The following ATP6V0A1 variants were observed in gnomAD, a reference collection of about 807,000 sequenced individuals.
ATP6V0A1 encodes V-type proton ATPase 116 kDa subunit a 1.
ATP6V0A1 carries 43 observed loss-of-function variants against 105.4 expected under a neutral mutation model. The observed-to-expected ratio is 0.41, with a 90% CI of 0.32 to 0.53. The LOEUF is 0.53. Ranked by LOEUF, ATP6V0A1 falls within the 20% of genes least tolerant of loss-of-function variation. ATP6V0A1 has a pLI of 0.30. For synonymous variants in ATP6V0A1, 362 were observed against 372.8 expected (o/e 0.97, Z 0.33); for missense variants, 676 against 1,051.1 (o/e 0.64, Z 4.93).
chr17:42,521,150 A>T lies in ATP6V0A1; in HGVS notation c.*30A>T. On this transcript the variant is annotated 3_prime_UTR_variant, in exon 22 of 22. Coordinates refer to ENST00000343619, the MANE Select transcript of ATP6V0A1 (RefSeq NM_001130021.3). The surrounding 1 kb of genome is among the most constrained non-coding windows in gnomAD (Gnocchi z 4.8). ...CTGTGAGGGCCGTGTGCCCCATGCT[A>T]CCCTCCCCGCCTCCCTCCACAGTGA... The T allele has an allele frequency of 6.5e-7, 1 of 1,546,606 alleles. No individual in the cohort carries two copies. Among genetic ancestry groups the T allele is most frequent in the African/African-American group, 1.4e-5 (1 of 72,678 alleles).
intron 10 of ATP6V0A1, among the ~76,000 whole-genome samples, chr17:42,487,948 C>G (rs976129395): frequency 6.6e-6 from 1 of 152,154 alleles, no homozygotes; most frequent in African/African-American, 2.4e-5. Context: ...ATAATTTGGT[C>G]ATATGCCCAT....
At chr17:42,496,502 G>A (rs904710918) in intron 14 of ATP6V0A1, 2 of 151,832 alleles carry the variant, frequency 1.3e-5, no homozygotes, top group African/African-American at 4.8e-5. Context: ...AAAATGGAGT[G>A]GCGGCAAGAA....
At chr17:42,484,045 TG>T (rs1017474936) in intron 9 of ATP6V0A1, among the ~76,000 whole-genome samples, 5 of 151,602 alleles carry the variant, frequency 3.3e-5, no homozygotes, top group African/African-American at 1.2e-4. Context: ...TTTTGTTTTT[TG>T]TTTTTTGTTT....
At chr17:42,501,366 TC>T in intron 17 of ATP6V0A1, 62 bp downstream of exon 17, 2 of 1,170,790 alleles carry the variant, frequency 1.7e-6, no homozygotes, top group South Asian at 1.3e-5. Context: ...TCAAGGCAAT[TC>T]CCCAGTGGAT....
At chr17:42,492,933 G>C (rs904294835) in intron 11 of ATP6V0A1, among the ~76,000 whole-genome samples, 2 of 151,860 alleles carry the variant, frequency 1.3e-5, no homozygotes, top group Non-Finnish European at 2.9e-5. Context: ...CAGGAGAATT[G>C]CTTGAACCCA....
chr17:42,467,616 A>G (rs939919393), intron 3 of ATP6V0A1, among the ~76,000 whole-genome samples: 1 of 152,204 alleles, frequency 6.6e-6, no homozygotes, highest in African/African-American at 2.4e-5. Context: ...TTAAGTGTCA[A>G]ATATTCTATT....
chr17:42,487,459 G>C, intron 10 of ATP6V0A1, 92 bp downstream of exon 10: 1 of 1,305,094 alleles, frequency 7.7e-7, no homozygotes, highest in Non-Finnish European at 1.1e-6. Flanking sequence ...CGGGCGCGGT[G>C]GCTCATGCCT....
intron 5 of ATP6V0A1, among the ~76,000 whole-genome samples, chr17:42,473,367 A>G (rs1000208531): frequency 1.3e-5 from 2 of 152,242 alleles, no homozygotes; most frequent in Admixed American, 1.3e-4. Context: ...CACTGAGCAT[A>G]TAATGAGCAC....
intron 10 of ATP6V0A1, among the ~76,000 whole-genome samples, chr17:42,489,906 A>G (rs1477557336): frequency 6.6e-6 from 1 of 152,212 alleles, no homozygotes; most frequent in African/African-American, 2.4e-5. Context: ...AGCAGAAATA[A>G]CCAGCAAAGA....
intron 17 of ATP6V0A1, among the ~76,000 whole-genome samples, chr17:42,504,976 C>T (rs1007007064): frequency 3.3e-5 from 5 of 151,270 alleles, no homozygotes; most frequent in Admixed American, 6.6e-5. Context: ...TTCTGCCTCT[C>T]GATCTATTAC....
chr17:42,474,964 GTCT>G (rs1339031675), intron 5 of ATP6V0A1, among the ~76,000 whole-genome samples: 7 of 152,160 alleles, frequency 4.6e-5, no homozygotes, highest in African/African-American at 1.7e-4. Context: ...CCTTTTCTAA[GTCT>G]TCTTGCTTAT....
At chr17:42,503,347 G>C (rs1166429275) in intron 17 of ATP6V0A1, among the ~76,000 whole-genome samples, 1 of 152,170 alleles carries the variant, frequency 6.6e-6, no homozygotes, top group East Asian at 1.9e-4. Flanking sequence ...CTTTTTGAAA[G>C]TGAAAGTTTA....
At chr17:42,470,586 G>T in intron 5 of ATP6V0A1, 3 of 174,824 alleles carry the variant, frequency 1.7e-5, no homozygotes, top group South Asian at 1.2e-4. Context: ...TTATAACAAA[G>T]GTTTAATCAC....
chr17:42,469,736 G>A (rs538885774), intron 4 of ATP6V0A1, among the ~76,000 whole-genome samples: 3 of 152,102 alleles, frequency 2.0e-5, no homozygotes, highest in South Asian at 2.1e-4. Context: ...TCCACCTCCC[G>A]GGTTCAAGTG....
intron 5 of ATP6V0A1, among the ~76,000 whole-genome samples, chr17:42,476,722 A>G (rs1246349979): frequency 6.6e-6 from 1 of 152,140 alleles, no homozygotes; most frequent in Non-Finnish European, 1.5e-5. Context: ...TCTTCATTTC[A>G]TTGTATAAAC....
Position 42,517,281 on chromosome 17 carries a change from AAAC to A in ATP6V0A1, c.2420+2845_2420+2847del, listed in dbSNP as rs547241454. ...GGCGACAGACCGAGACTCCGTCTCA[AAAC>A]AACAACAACAACAACAACAACAAAA... On this transcript the variant is annotated intron_variant, in intron 21 of 21. Transcript: ENST00000343619. Among the ~76,000 whole-genome samples, 52 of 149,782 alleles carry A rather than the reference AAAC, an allele frequency of 3.5e-4. No homozygotes were observed. In the Middle Eastern group the frequency reaches 0.014, roughly 39 times the overall value.
intron 1 of ATP6V0A1, chr17:42,460,350 T>C (rs1172159275): frequency 6.5e-6 from 1 of 152,888 alleles, no homozygotes; most frequent in Non-Finnish European, 1.5e-5. Context: ...AGCTTTAGGA[T>C]AGTGCCAGAA....
chr17:42,505,852 AT>A (rs1432705903), intron 17 of ATP6V0A1, among the ~76,000 whole-genome samples: 1 of 148,826 alleles, frequency 6.7e-6, no homozygotes, highest in Admixed American at 6.8e-5. Flanking sequence ...CAGTGGTATG[AT>A]CTCAGCTCAC....
At chr17:42,470,973 A>G (rs145289234) in intron 5 of ATP6V0A1, 10,900 of 151,990 alleles carry the variant, frequency 0.072, 436 homozygotes, top group East Asian at 0.15. Context: ...AAATACAAAA[A>G]CTAGCCGGGT....
Sources: allele counts gnomAD v4.1 joint callset (sites outside exome capture counted in the v4.1 genomes callset), GRCh38; gene constraint gnomAD v4.1.1; non-coding constraint Gnocchi (gnomAD v3.1); transcripts MANE v1.5; gene names NCBI Gene and HGNC (gene_info 2026-07-23, HGNC 2026-07-21).